HYDIN: variants seen among roughly 807,000 people sequenced by gnomAD.
HYDIN encodes axonemal central pair apparatus protein HYDIN.
A neutral mutation model predicts 403.9 loss-of-function variants in HYDIN; 132 were observed. That is an observed-to-expected ratio of 0.33 (90% CI 0.28 to 0.38). The LOEUF (loss-of-function observed/expected upper bound fraction) is 0.38. HYDIN is among the 10% of genes least tolerant of loss of function. The pLI, the probability that HYDIN is intolerant of heterozygous loss-of-function variation, is 1.00. For synonymous variants in HYDIN, 1,202 were observed against 1,891.7 expected (o/e 0.64, Z 9.46); for missense variants, 2,827 against 5,009.5 (o/e 0.56, Z 13.15).
chr16:71,171,829 G>A (rs1388141369), intron 5 of HYDIN, among the ~76,000 whole-genome samples: 1 of 152,164 alleles, frequency 6.6e-6, no homozygotes, highest in Non-Finnish European at 1.5e-5. Flanking sequence ...TCAAGTCAAA[G>A]AAACTTCTTT....
chr16:71,225,198 T>C (rs577402762), intron 1 of HYDIN, among the ~76,000 whole-genome samples: 276 of 152,348 alleles, frequency 1.8e-3, no homozygotes, highest in Middle Eastern at 3.4e-3. Flanking sequence ...CCCACTACTT[T>C]CTTTCTGTGT....
intron 1 of HYDIN, among the ~76,000 whole-genome samples, chr16:71,200,758 G>A (rs2087961124): frequency 6.6e-6 from 1 of 152,152 alleles, no homozygotes; most frequent in African/African-American, 2.4e-5. Context: ...TCAAGCCTGG[G>A]CTACTGATCT....
intron 1 of HYDIN, among the ~76,000 whole-genome samples, chr16:71,224,851 G>A (rs568366392): frequency 3.9e-5 from 6 of 152,202 alleles, no homozygotes; most frequent in South Asian, 2.1e-4. Flanking sequence ...GTGAGCCACC[G>A]CGCCCGGCCT....
In HYDIN at chr16:71,064,847, G is replaced by A. The variant is rs765532951; in HGVS notation, c.2076-7C>T. ...GAGGGCAGGTACAACACACCTGCTC[G>A]GAGGAGCCCATCACACAATTCAAAA... On this transcript the variant is annotated splice_region_variant and splice_polypyrimidine_tract_variant and intron_variant, in intron 15 of 85. Transcript: ENST00000393567. 8.1e-6 allele frequency: 13 copies of A among 1,606,916 alleles called. No homozygotes were observed. The highest frequency in any genetic ancestry group is 3.3e-5 in the South Asian group (3 of 90,144).
At chr16:70,870,672 C>T (rs2040037632) in intron 65 of HYDIN, among the ~76,000 whole-genome samples, 1 of 152,072 alleles carries the variant, frequency 6.6e-6, no homozygotes, top group Non-Finnish European at 1.5e-5. Flanking sequence ...AAATAATGCA[C>T]AAAAGCAGAT....
chr16:71,219,016 G>A (rs566271035), intron 1 of HYDIN, among the ~76,000 whole-genome samples: 42 of 152,192 alleles, frequency 2.8e-4, no homozygotes, highest in Admixed American at 1.6e-3. Context: ...CATGAGTACT[G>A]GTAATTGTTT....
intron 73 of HYDIN, among the ~76,000 whole-genome samples, chr16:70,854,062 T>C (rs1386486424): frequency 6.7e-6 from 1 of 149,764 alleles, no homozygotes; most frequent in Non-Finnish European, 1.5e-5. Context: ...GTAGTTTTAG[T>C]AGAGACGGGG....
chr16:71,230,613 C>A lies in HYDIN; in HGVS notation c.-75G>T, dbSNP rs2041239574. ...ATTCTACCTCCATTCCCCGCCAAGACCCCGCGTCCAACTCACAGACCCCGC... is the reference window on the plus strand; with the variant it reads ...ATTCTACCTCCATTCCCCGCCAAGAACCCGCGTCCAACTCACAGACCCCGC... On this transcript the variant is annotated 5_prime_UTR_variant, in exon 1 of 86. Coordinates refer to ENST00000393567, the MANE Select transcript of HYDIN (RefSeq NM_001270974.2). 7 of 1,536,078 alleles carry A rather than the reference C, an allele frequency of 4.6e-6. No homozygotes were observed. The East Asian group carries it at 1.7e-4, about 38-fold the overall frequency.
At chr16:71,012,774 CTTTAGCCACT>C in intron 23 of HYDIN, among the ~76,000 whole-genome samples, 1 of 151,882 alleles carries the variant, frequency 6.6e-6, no homozygotes, top group South Asian at 2.1e-4. Context: ...TAAAAGTGAC[CTTTAGCCACT>C]TTTATGTGGT....
intron 5 of HYDIN, among the ~76,000 whole-genome samples, chr16:71,174,704 C>G (rs1445009083): frequency 1.3e-5 from 2 of 152,124 alleles, no homozygotes; most frequent in Non-Finnish European, 2.9e-5. Flanking sequence ...ATTTCCATGA[C>G]TGAGGAGAGT....
chr16:71,174,874 T>C (rs2086604523), intron 5 of HYDIN, among the ~76,000 whole-genome samples: 1 of 152,204 alleles, frequency 6.6e-6, no homozygotes, highest in Non-Finnish European at 1.5e-5. Context: ...TTACTGAGGC[T>C]GAAACTATGA....
At chr16:70,960,989 C>T (rs2078401545) in intron 38 of HYDIN, among the ~76,000 whole-genome samples, 1 of 152,258 alleles carries the variant, frequency 6.6e-6, no homozygotes, top group Non-Finnish European at 1.5e-5. Context: ...CCTTGCCCGG[C>T]CTAGCTCATT....
At chr16:71,130,648 C>T (rs1341663446) in intron 8 of HYDIN, among the ~76,000 whole-genome samples, 20 of 151,336 alleles carry the variant, frequency 1.3e-4, no homozygotes, top group African/African-American at 4.1e-4. Context: ...CCACCGCGCC[C>T]GGCTAATTTT....
Position 70,809,587 on chromosome 16 carries a change from C to T in HYDIN, c.14883+196G>A, listed in dbSNP as rs145142622. Among the ~76,000 whole-genome samples the T allele has an allele frequency of 2.5e-3, 384 of 152,292 alleles. 2 individuals carry two copies. The highest frequency in any genetic ancestry group is 0.01 in the Middle Eastern group (3 of 294). ...AGACAGAAAGTCTGTAATGGAAGAA[C>T]CCAGGCCTGGTGCTGTTTGTTTCTA... On this transcript the variant is annotated intron_variant, in intron 85 of 85. Transcript: ENST00000393567.
intron 57 of HYDIN, among the ~76,000 whole-genome samples, chr16:70,891,044 C>T (rs1198217237): frequency 6.6e-6 from 1 of 151,384 alleles, no homozygotes; most frequent in Non-Finnish European, 1.5e-5. Context: ...GGACAACAGA[C>T]AAAATTCCAG....
At chr16:71,030,795 C>A (rs2080878803) in intron 19 of HYDIN, among the ~76,000 whole-genome samples, 1 of 152,122 alleles carries the variant, frequency 6.6e-6, no homozygotes, top group South Asian at 2.1e-4. Context: ...TGTACCACAG[C>A]TTATTTAAAT....
In HYDIN at chr16:70,884,030, T is replaced by G; in HGVS notation, c.9869A>C (p.Asp3290Ala). Reference protein sequence around the residue: ...QQVINVDCVADAMGKCEEFIA... With the variant: ...QQVINVDCVAAAMGKCEEFIA... ...AAACTCCTCACACTTTCCCATGGCG[T>G]CAGCCACACAGTCAACGTTGATGAC... The change falls in exon 59 of 86, where the codon GAC becomes GCC. Residue 3290 changes from aspartate to alanine, a missense_variant. Physicochemically the swap from Asp to Ala is moderately radical, Grantham distance 126 (BLOSUM62 -2). Coordinates refer to ENST00000393567, the MANE Select transcript of HYDIN (RefSeq NM_001270974.2). 1 of 1,614,130 alleles carries G rather than the reference T, an allele frequency of 6.2e-7. No homozygotes were observed. The highest frequency in any genetic ancestry group is 1.1e-5 in the South Asian group (1 of 91,070).
At chr16:70,897,142 C>A (rs1165814175) in intron 53 of HYDIN, among the ~76,000 whole-genome samples, 2 of 151,976 alleles carry the variant, frequency 1.3e-5, no homozygotes, top group African/African-American at 4.8e-5. Flanking sequence ...GGAACTCAAT[C>A]AAATCAACAA....
intron 58 of HYDIN, among the ~76,000 whole-genome samples, chr16:70,886,735 T>C (rs1197383127): frequency 6.6e-6 from 1 of 152,274 alleles, no homozygotes; most frequent in East Asian, 1.9e-4. Flanking sequence ...GAAAATATTG[T>C]GCCACTTTCT....
Sources: gnomAD v4.1 joint callset for allele counts (sites outside exome capture counted in the v4.1 genomes callset) on GRCh38, gnomAD v4.1.1 for gene constraint, MANE v1.5 for transcripts, NCBI Gene and HGNC (gene_info 2026-07-23, HGNC 2026-07-21) for gene names.